TBCK: variants seen among roughly 807,000 people sequenced by gnomAD.
TBCK encodes TBC1 domain containing kinase.
Under a neutral mutation model 113.4 loss-of-function variants are expected in TBCK, and 99 were observed. The observed-to-expected ratio is 0.87, with a 90% CI of 0.74 to 1.03. TBCK has a LOEUF of 1.03. TBCK is among the 50% of genes least tolerant of loss of function. The pLI is 0.00. For synonymous variants in TBCK, 369 were observed against 370.8 expected, an observed-to-expected ratio of 1.00 and a Z score of 0.05; for missense variants, 1,045 against 1,061.3, an observed-to-expected ratio of 0.98 and a Z score of 0.21.
intron 3 of TBCK, among the ~76,000 whole-genome samples, chr4:106,280,470 G>C (rs747750144): frequency 1.3e-5 from 2 of 152,062 alleles, no homozygotes; most frequent in Non-Finnish European, 2.9e-5. Flanking sequence ...GGTTGCCTAT[G>C]CTTGTGGGGT....
intron 25 of TBCK, among the ~76,000 whole-genome samples, chr4:106,074,586 C>T (rs1737940798): frequency 6.6e-6 from 1 of 152,086 alleles, no homozygotes; most frequent in Admixed American, 6.5e-5. Flanking sequence ...ACACAGAAAC[C>T]AATGTAGGTT....
chr4:106,144,041 T>C (rs1747471262), intron 23 of TBCK, among the ~76,000 whole-genome samples: 1 of 151,788 alleles, frequency 6.6e-6, no homozygotes, highest in South Asian at 2.1e-4. Context: ...GACCAGGAAA[T>C]AGAGACTTAT....
At chr4:106,296,650 T>C (rs916544732) in intron 2 of TBCK, among the ~76,000 whole-genome samples, 1 of 152,104 alleles carries the variant, frequency 6.6e-6, no homozygotes, top group African/African-American at 2.4e-5. Flanking sequence ...AATGGGATTA[T>C]ACAGAATGAT....
At chr4:106,306,121 T>G (rs1195852525) in intron 2 of TBCK, among the ~76,000 whole-genome samples, 1 of 152,060 alleles carries the variant, frequency 6.6e-6, no homozygotes, top group African/African-American at 2.4e-5. Context: ...TTGGGACCCT[T>G]TCCTGTAACA....
intron 9 of TBCK, 37 bp from the exon 10 acceptor site, chr4:106,247,324 T>C (rs968405097): frequency 6.3e-7 from 1 of 1,594,568 alleles, no homozygotes; most frequent in Non-Finnish European, 8.6e-7. Context: ...TGAATGAAAG[T>C]CATAAAAAAT....
intron 6 of TBCK, 31 bp downstream of exon 6, chr4:106,251,835 T>C (rs1761458912): frequency 6.9e-7 from 1 of 1,446,764 alleles, no homozygotes; most frequent in African/African-American, 1.4e-5. Context: ...CACAATTTCC[T>C]TTTATTATAT....
intron 24 of TBCK, among the ~76,000 whole-genome samples, chr4:106,111,740 C>T (rs992971408): frequency 6.6e-5 from 10 of 152,228 alleles, no homozygotes; most frequent in Middle Eastern, 3.2e-3. Flanking sequence ...AGATGTCTTT[C>T]TCCTTGGAAA....
chr4:106,256,039 A>T (rs56333662), intron 5 of TBCK, among the ~76,000 whole-genome samples: 21,491 of 152,112 alleles, frequency 0.14, 1,712 homozygotes, highest in South Asian at 0.25. Context: ...TCCTCTCTAC[A>T]GCTGGCCATC....
chr4:106,269,417 T>C (rs917733785), intron 3 of TBCK, among the ~76,000 whole-genome samples: 1 of 152,074 alleles, frequency 6.6e-6, no homozygotes, highest in African/African-American at 2.4e-5. Context: ...ACTTATCACT[T>C]ACTAAATTTT....
intron 8 of TBCK, 124 bp downstream of exon 8, chr4:106,248,797 T>C (rs1761112098): frequency 1.4e-6 from 1 of 718,424 alleles, no homozygotes; most frequent in Non-Finnish European, 2.2e-6. Context: ...TACTGGTGCC[T>C]TTAACTTGGA....
chr4:106,275,820 A>G (rs755089620), intron 3 of TBCK, among the ~76,000 whole-genome samples: 2 of 152,162 alleles, frequency 1.3e-5, no homozygotes, highest in African/African-American at 4.8e-5. Flanking sequence ...GGAAGACTCA[A>G]TATTTTTAAG....
intron 25 of TBCK, among the ~76,000 whole-genome samples, chr4:106,084,555 A>C (rs869112911): frequency 6.6e-6 from 1 of 152,232 alleles, no homozygotes. Flanking sequence ...CTAGCAAAAC[A>C]GACCAACATG....
intron 22 of TBCK, among the ~76,000 whole-genome samples, chr4:106,178,301 T>C (rs1751928142): frequency 6.6e-6 from 1 of 151,516 alleles, no homozygotes; most frequent in African/African-American, 2.4e-5. Flanking sequence ...TCCAATTGAA[T>C]GTGTTAATTT....
chr4:106,124,798 C>G (rs1294917086), intron 23 of TBCK, among the ~76,000 whole-genome samples: 1 of 149,466 alleles, frequency 6.7e-6, no homozygotes, highest in African/African-American at 2.5e-5. Context: ...GGGAACTGAA[C>G]AATGAAATCA....
rs1334587519 is a variant in TBCK, at chr4:106,140,017, GTAATAGATGTATA to G, written c.2236-23652_2236-23640del. Among the ~76,000 whole-genome samples the G allele has an allele frequency of 6.4e-5, 9 of 140,686 alleles. 1 individual carries two copies. The highest frequency in any genetic ancestry group is 2.3e-4 in the African/African-American group (9 of 39,950). 92.3% of individuals were successfully genotyped at this position (140,686 alleles called of 152,430 possible). ...TTATCAGCTATATAATAAGTGAATT[GTAATAGATGTATA>G]TAATAGATGAATTGTAATAGATGAA... On this transcript the variant is annotated intron_variant, in intron 23 of 25. Coordinates refer to ENST00000394708, the MANE Select transcript of TBCK (RefSeq NM_001163435.3).
At chr4:106,051,862 G>T (rs933751525) in intron 25 of TBCK, among the ~76,000 whole-genome samples, 1 of 151,848 alleles carries the variant, frequency 6.6e-6, no homozygotes, top group African/African-American at 2.4e-5. Context: ...TTCTTAATCA[G>T]TAGAACTGCC....
At chr4:106,059,650 T>C (rs1162462216) in intron 25 of TBCK, among the ~76,000 whole-genome samples, 1 of 151,686 alleles carries the variant, frequency 6.6e-6, no homozygotes, top group Non-Finnish European at 1.5e-5. Flanking sequence ...ATATTAAAAA[T>C]ATTAAAATTA....
rs1743478485 is a variant in TBCK at position 106,116,229 on chromosome 4, C to T, written c.2385G>A (p.Leu795=). Residue 795 remains leucine, a synonymous_variant, in exon 24 of 26, where the codon CTG becomes CTA. Transcript: ENST00000394708. ...CTTCACTATTCCGGATGTCAACCAC[C>T]AGGAGCTTTGGTTTACTGGACTTTG... The part of the protein sequence containing the change: ...KKTKSSKPKL[L]VVDIRNSEDF... The T allele has an allele frequency of 6.2e-7, 1 of 1,613,756 alleles. No individual in the cohort carries two copies. The highest frequency in any genetic ancestry group is 1.1e-5 in the South Asian group (1 of 91,056).
chr4:106,199,637 T>C (rs533522099), intron 20 of TBCK, among the ~76,000 whole-genome samples: 1 of 152,260 alleles, frequency 6.6e-6, no homozygotes, highest in South Asian at 2.1e-4. Flanking sequence ...TACCTCCAAG[T>C]AGTTTCCAAA....
Sources: allele counts gnomAD v4.1 joint callset (sites outside exome capture counted in the v4.1 genomes callset), GRCh38; gene constraint gnomAD v4.1.1; transcripts MANE v1.5; gene names NCBI Gene and HGNC (gene_info 2026-07-23, HGNC 2026-07-21).